Variants in CPT1A observed in about 807,000 individuals in gnomAD.
CPT1A encodes carnitine palmitoyltransferase 1A, also known as carnitine O-palmitoyltransferase 1, liver isoform.
In CPT1A, 64 loss-of-function variants were observed where a neutral mutation model predicts 100.8. The observed-to-expected ratio is 0.63, with a 90% CI of 0.52 to 0.78. The LOEUF (loss-of-function observed/expected upper bound fraction) is 0.78. Ranked by LOEUF, CPT1A falls within the 30% of genes least tolerant of loss-of-function variation. CPT1A has a pLI of 0.00. For synonymous variants in CPT1A, 363 were observed against 396.0 expected, an observed-to-expected ratio of 0.92 and a Z score of 0.99; for missense variants, 802 against 1,034.1, an observed-to-expected ratio of 0.78 and a Z score of 3.08.
intron 2 of CPT1A, among the ~76,000 whole-genome samples, chr11:68,814,463 C>T (rs958442201): frequency 5.3e-5 from 8 of 151,436 alleles, no homozygotes; most frequent in South Asian, 4.2e-4. Context: ...CCCGCCACCA[C>T]GCCCGGCTAA....
intron 2 of CPT1A, 106 bp downstream of exon 2, chr11:68,815,228 G>T: frequency 8.9e-7 from 1 of 1,125,550 alleles, no homozygotes; most frequent in Non-Finnish European, 1.3e-6. Flanking sequence ...ACAGGTAAGT[G>T]ATATGCAGTC....
Position 68,815,497 on chromosome 11 carries a change from G to C in CPT1A, c.-13-10C>G. On this transcript the variant is annotated splice_polypyrimidine_tract_variant and intron_variant, in intron 1 of 18. Transcript: ENST00000265641. ...CATCTTCAGAGAGTACCTGGAAGGA[G>C]AAGGAGAAAATGTAACACAGTGGAA... The C allele has an allele frequency of 6.2e-7, 1 of 1,613,616 alleles. No individual in the cohort carries two copies. The highest frequency in any genetic ancestry group is 8.5e-7 in the Non-Finnish European group (1 of 1,179,780).
chr11:68,767,931 T>C (rs999105850), intron 14 of CPT1A, among the ~76,000 whole-genome samples: 15 of 152,116 alleles, frequency 9.9e-5, no homozygotes, highest in Admixed American at 1.3e-4. Flanking sequence ...CTGCTTTTCC[T>C]TTTAAATACT....
At chr11:68,778,687 C>T (rs1402012490) in intron 12 of CPT1A, among the ~76,000 whole-genome samples, 3 of 151,022 alleles carry the variant, frequency 2.0e-5, no homozygotes, top group African/African-American at 4.9e-5. Flanking sequence ...CAGAACAAGA[C>T]GCCATCTCAA....
chr11:68,842,680 C>T (rs1474581230), upstream of CPT1A, among the ~76,000 whole-genome samples: 4 of 152,244 alleles, frequency 2.6e-5, no homozygotes, highest in Middle Eastern at 3.4e-3. Context: ...TAGCTGGAGG[C>T]CAGGGCAGAG....
At chr11:68,762,217 C>A (rs904589696) in intron 15 of CPT1A, among the ~76,000 whole-genome samples, 3 of 152,214 alleles carry the variant, frequency 2.0e-5, no homozygotes, top group Non-Finnish European at 4.4e-5. Flanking sequence ...CCCAGCCTGG[C>A]ACTTGGGGCC....
intron 9 of CPT1A, among the ~76,000 whole-genome samples, chr11:68,791,700 CT>C (rs1329797153): frequency 6.6e-6 from 1 of 152,094 alleles, no homozygotes; most frequent in African/African-American, 2.4e-5. Flanking sequence ...CCATACCTGG[CT>C]AATTTTGTAT....
intron 8 of CPT1A, among the ~76,000 whole-genome samples, 180 bp from the exon 9 acceptor site, chr11:68,793,582 A>G (rs1374195306): frequency 2.6e-5 from 4 of 151,958 alleles, no homozygotes; most frequent in Admixed American, 2.6e-4. Context: ...CGTCTCTACT[A>G]AAAATACAAA....
chr11:68,779,576 C>T (rs911620469), intron 12 of CPT1A, among the ~76,000 whole-genome samples: 3 of 150,130 alleles, frequency 2.0e-5, no homozygotes, highest in African/African-American at 7.3e-5. Flanking sequence ...CAGGCAGATC[C>T]CCTGTGCCCA....
Position 68,796,859 on chromosome 11 carries a change from G to A in CPT1A, c.768C>T (p.Ala256=), listed in dbSNP as rs771071145. Residue 256 remains alanine, a synonymous_variant, in exon 7 of 19, where the codon GCC becomes GCT. Coordinates refer to ENST00000265641, the MANE Select transcript of CPT1A (RefSeq NM_001876.4). The stretch of plus-strand genomic sequence containing the variant: ...CAGCCCGGGCGGGTGGACTCACCAT[G>A]GCATAATAGTTGCTGTTCACCATGA... ...GPLMVNSNYY[A]MDLLYILPTH... 4 of 1,613,988 alleles carry A rather than the reference G, an allele frequency of 2.5e-6. No individual in the cohort carries two copies. Among genetic ancestry groups the A allele is most frequent in the South Asian group, 2.2e-5 (2 of 91,036 alleles).
chr11:68,778,475 G>C (rs1366602389), intron 12 of CPT1A, among the ~76,000 whole-genome samples: 1 of 152,160 alleles, frequency 6.6e-6, no homozygotes, highest in African/African-American at 2.4e-5. Context: ...GGTGGCTCAT[G>C]CCATAATCCC....
chr11:68,794,764 T>C, intron 8 of CPT1A, 40 bp downstream of exon 8: 1 of 1,480,502 alleles, frequency 6.8e-7, no homozygotes, highest in Non-Finnish European at 9.4e-7. Context: ...TCTGTAAAGC[T>C]GTTTGAAAAT....
At chr11:68,796,537 C>G (rs1028275492) in intron 7 of CPT1A, among the ~76,000 whole-genome samples, 1 of 152,040 alleles carries the variant, frequency 6.6e-6, no homozygotes, top group African/African-American at 2.4e-5. Flanking sequence ...GCCTGGGGGA[C>G]AAGAGCAAAG....
intron 4 of CPT1A, among the ~76,000 whole-genome samples, chr11:68,804,356 G>A (rs956843722): frequency 6.6e-6 from 1 of 152,114 alleles, no homozygotes; most frequent in African/African-American, 2.4e-5. Flanking sequence ...ATACTTACAG[G>A]TTCTAGCAAA....
chr11:68,828,281 C>T (rs1006863711), intron 1 of CPT1A, among the ~76,000 whole-genome samples: 9 of 152,238 alleles, frequency 5.9e-5, no homozygotes, highest in African/African-American at 1.7e-4. Flanking sequence ...GCTGCCACAT[C>T]GGCCCCAGCC....
chr11:68,773,249 G>A lies in CPT1A; in HGVS notation c.1740+16C>T. 6.2e-7 allele frequency: 1 copy of A among 1,613,622 alleles called. No individual in the cohort carries two copies. The highest frequency in any genetic ancestry group is 8.5e-7 in the Non-Finnish European group (1 of 1,179,996). On this transcript the variant is annotated intron_variant, in intron 14 of 18. Coordinates refer to ENST00000265641, the MANE Select transcript of CPT1A (RefSeq NM_001876.4). ...CCAAAGTGCTCACGACAAAACCCTA[G>A]GCGGTCAGTTCTTACCTTGTAGTGC...
intron 9 of CPT1A, among the ~76,000 whole-genome samples, chr11:68,787,431 C>CAAA (rs773513607): frequency 8.4e-5 from 9 of 106,784 alleles, no homozygotes. Context: ...GACTCTGTCT[C>CAAA]AAAAAAAAAA....
rs569527167 is a variant in CPT1A at position 68,780,567 on chromosome 11, C to T, written c.1458+73G>A. ...CCAAAGTGCTGGGATTACAGGTGTGCGCCACTGCGCCTGGCCAGGTTTGGA... is the reference window on the plus strand; with the variant it reads ...CCAAAGTGCTGGGATTACAGGTGTGTGCCACTGCGCCTGGCCAGGTTTGGA... On this transcript the variant is annotated intron_variant, in intron 12 of 18. Transcript: ENST00000265641. 1.1e-5 allele frequency: 15 copies of T among 1,319,556 alleles called. 1 individual carries two copies. Among genetic ancestry groups the T allele is most frequent in the Admixed American group, 5.2e-5 (3 of 57,664 alleles). 81.7% of individuals were successfully genotyped at this position (1,319,556 alleles called of 1,614,324 possible).
chr11:68,788,121 AG>A (rs973567873), intron 9 of CPT1A, among the ~76,000 whole-genome samples: 1 of 152,092 alleles, frequency 6.6e-6, no homozygotes, highest in Non-Finnish European at 1.5e-5. Flanking sequence ...GTCTTGCTTA[AG>A]CCGTGCAGTC....
Sources: gnomAD v4.1 joint callset for allele counts (sites outside exome capture counted in the v4.1 genomes callset) on GRCh38, gnomAD v4.1.1 for gene constraint, MANE v1.5 for transcripts, NCBI Gene and HGNC (gene_info 2026-07-23, HGNC 2026-07-21) for gene names.